CNTN5: variants seen among roughly 807,000 people sequenced by gnomAD.
CNTN5 encodes the protein contactin-5.
A neutral mutation model predicts 129.1 loss-of-function variants in CNTN5; 77 were observed. The observed-to-expected ratio is 0.60, with a 90% confidence interval of 0.50 to 0.72. The LOEUF is 0.72. Ranked by LOEUF, CNTN5 falls within the 30% of genes least tolerant of loss-of-function variation. CNTN5 has a pLI of 0.00. For synonymous variants in CNTN5, 509 were observed against 465.6 expected, an observed-to-expected ratio of 1.09 and a Z score of -1.20; for missense variants, 1,478 against 1,328.8, an observed-to-expected ratio of 1.11 and a Z score of -1.75.
intron 2 of CNTN5, among the ~76,000 whole-genome samples, chr11:99,482,637 T>C (rs942680677): frequency 6.6e-6 from 1 of 152,118 alleles, no homozygotes; most frequent in Non-Finnish European, 1.5e-5. Flanking sequence ...CCGAAATCGC[T>C]TTTCAAAATA....
chr11:99,914,434 TACAG>T (rs1949737109), intron 6 of CNTN5, among the ~76,000 whole-genome samples: 3 of 152,064 alleles, frequency 2.0e-5, no homozygotes, highest in Non-Finnish European at 4.4e-5. Flanking sequence ...GTTTGTTTGT[TACAG>T]ACAATCATGT....
chr11:100,033,280 G>C (rs1457770549), intron 9 of CNTN5, among the ~76,000 whole-genome samples: 1 of 152,154 alleles, frequency 6.6e-6, no homozygotes, highest in Non-Finnish European at 1.5e-5. Context: ...AGAGGTGAGA[G>C]TGAGGCAGGA....
intron 9 of CNTN5, among the ~76,000 whole-genome samples, chr11:100,028,532 T>C (rs1941542042): frequency 6.6e-6 from 1 of 152,234 alleles, no homozygotes; most frequent in Non-Finnish European, 1.5e-5. Flanking sequence ...CATTGTTTAC[T>C]TTATGAAGCA....
At chr11:99,930,019 T>G (rs1239401870) in intron 7 of CNTN5, among the ~76,000 whole-genome samples, 1 of 152,184 alleles carries the variant, frequency 6.6e-6, no homozygotes, top group Non-Finnish European at 1.5e-5. Context: ...ATAGACTTAT[T>G]ATTTCCTGCT....
At chr11:100,106,506 A>T (rs988888613) in intron 13 of CNTN5, among the ~76,000 whole-genome samples, 1 of 152,198 alleles carries the variant, frequency 6.6e-6, no homozygotes, top group South Asian at 2.1e-4. Flanking sequence ...GGAATAAAGC[A>T]TGCATGTTGA....
At chr11:99,598,440 CCCTTCCTT>C (rs557668024) in intron 3 of CNTN5, among the ~76,000 whole-genome samples, 1 of 118,634 alleles carries the variant, frequency 8.4e-6, no homozygotes, top group South Asian at 3.5e-4. Context: ...CTCCCTCCCT[CCCTTCCTT>C]CCTTCCTTCC....
intron 7 of CNTN5, among the ~76,000 whole-genome samples, chr11:99,955,166 A>G (rs1950768642): frequency 6.6e-6 from 1 of 150,816 alleles, no homozygotes; most frequent in Non-Finnish European, 1.5e-5. Context: ...ATTATCTAAA[A>G]TAAATATATA....
At chr11:99,515,876 A>G (rs1947029765) in intron 2 of CNTN5, among the ~76,000 whole-genome samples, 4 of 151,842 alleles carry the variant, frequency 2.6e-5, no homozygotes, top group South Asian at 2.1e-4. Flanking sequence ...ATTGCTAGCT[A>G]TGCTTTAAAA....
At chr11:99,888,495 G>T (rs2135891572) in intron 6 of CNTN5, among the ~76,000 whole-genome samples, 1 of 152,278 alleles carries the variant, frequency 6.6e-6, no homozygotes, top group Non-Finnish European at 1.5e-5. Context: ...ACAACAGGAA[G>T]TGCCTAATAA....
At chr11:99,022,666 A>G (rs1329481718) in intron 1 of CNTN5, among the ~76,000 whole-genome samples, 1 of 152,080 alleles carries the variant, frequency 6.6e-6, no homozygotes, top group Non-Finnish European at 1.5e-5. Context: ...AAGATCATCT[A>G]AGTCCATTAA....
chr11:99,481,230 T>C (rs1207843730), intron 2 of CNTN5, among the ~76,000 whole-genome samples: 1 of 152,168 alleles, frequency 6.6e-6, no homozygotes, highest in African/African-American at 2.4e-5. Context: ...CTTTGGAATA[T>C]TACTTTTCTT....
chr11:100,058,180 C>T (rs534202693), intron 9 of CNTN5, among the ~76,000 whole-genome samples: 13 of 152,040 alleles, frequency 8.6e-5, no homozygotes, highest in African/African-American at 2.9e-4. Flanking sequence ...TGTGAATTGC[C>T]AAAGTTGGCA....
At chr11:99,926,142 A>T (rs1036722809) in intron 7 of CNTN5, among the ~76,000 whole-genome samples, 1 of 152,162 alleles carries the variant, frequency 6.6e-6, no homozygotes, top group South Asian at 2.1e-4. Context: ...TGTCTTGATA[A>T]TCTGTCTTCA....
chr11:99,865,354 A>C lies in CNTN5; in HGVS notation c.577+20092A>C, dbSNP rs17134539. Among the ~76,000 whole-genome samples, 1,324 of 152,218 alleles carry C rather than the reference A, an allele frequency of 8.7e-3. 19 individuals carry two copies. Among genetic ancestry groups the C allele is most frequent in the African/African-American group, 0.029 (1,200 of 41,570 alleles). On this transcript the variant is annotated intron_variant, in intron 6 of 24. Transcript: ENST00000524871. ...TAAATGTATATCAGATTAACAAAAA[A>C]AATGCCAGGAATCAGAAGAGGAATT...
intron 3 of CNTN5, among the ~76,000 whole-genome samples, chr11:99,655,111 A>G (rs678818): frequency 0.61 from 92,526 of 151,432 alleles, 29,195 homozygotes; most frequent in Admixed American, 0.7. Context: ...GGGTCTTCAA[A>G]CTGGTAGGTA....
At chr11:99,093,253 G>T (rs998641430) in intron 1 of CNTN5, among the ~76,000 whole-genome samples, 12 of 152,004 alleles carry the variant, frequency 7.9e-5, no homozygotes, top group Non-Finnish European at 1.3e-4. Context: ...TAATTTAGTT[G>T]TAATAGATAT....
intron 2 of CNTN5, among the ~76,000 whole-genome samples, chr11:99,374,637 T>C (rs1178289046): frequency 6.6e-6 from 1 of 151,978 alleles, no homozygotes; most frequent in Non-Finnish European, 1.5e-5. Flanking sequence ...CGAGTCCAGA[T>C]CGCGTCACTG....
chr11:99,283,847 T>C (rs1202769956), intron 1 of CNTN5, among the ~76,000 whole-genome samples: 1 of 152,142 alleles, frequency 6.6e-6, no homozygotes, highest in East Asian at 1.9e-4. Flanking sequence ...TTGGAAGTGA[T>C]TACTAAGAAA....
chr11:99,956,920 A>T lies in CNTN5; in HGVS notation c.788A>T (p.Asp263Val). The change falls in exon 8 of 25, where the codon GAT (aspartate) becomes GTT (valine). Residue 263 changes from aspartate (D) to valine (V), a missense_variant. Transcript: ENST00000524871. ...NLYISKVQTS[D>V]VGSYICLVKN... ...TATATTTCTAAAGTCCAAACATCAG[A>T]TGTTGGCAGCTATATTTGTCTGGTG... 1 of 1,613,900 alleles carries T rather than the reference A, an allele frequency of 6.2e-7. No homozygotes were observed. The highest frequency in any genetic ancestry group is 8.5e-7 in the Non-Finnish European group (1 of 1,179,810).
Sources: gnomAD v4.1 joint callset for allele counts (sites outside exome capture counted in the v4.1 genomes callset) on GRCh38, gnomAD v4.1.1 for gene constraint, MANE v1.5 for transcripts, NCBI Gene and HGNC (gene_info 2026-07-23, HGNC 2026-07-21) for gene names.